Variants in LRRC4C observed in about 807,000 individuals in gnomAD.
The protein encoded by LRRC4C is leucine-rich repeat-containing protein 4C.
In LRRC4C, 5 loss-of-function variants were observed where a neutral mutation model predicts 33.6. The observed-to-expected ratio is 0.15, with a 90% CI of 0.08 to 0.31. The LOEUF is 0.31. LRRC4C is among the 10% of genes least tolerant of loss of function. LRRC4C has a pLI of 1.00. For synonymous variants in LRRC4C, 329 were observed against 302.0 expected (o/e 1.09, Z -0.93); for missense variants, 560 against 796.7 (o/e 0.70, Z 3.58).
intron 1 of LRRC4C, among the ~76,000 whole-genome samples, chr11:41,409,585 A>T (rs1954381774): frequency 6.6e-6 from 1 of 152,222 alleles, no homozygotes; most frequent in Admixed American, 6.5e-5. Flanking sequence ...AAGGTTAAAA[A>T]GTGGCAACAG....
intron 3 of LRRC4C, among the ~76,000 whole-genome samples, chr11:40,513,558 C>T (rs1351126148): frequency 2.0e-5 from 3 of 152,056 alleles, no homozygotes; most frequent in African/African-American, 7.2e-5. Flanking sequence ...TTGTCTTCCT[C>T]TTAGAGCAAT....
intron 1 of LRRC4C, among the ~76,000 whole-genome samples, chr11:41,207,223 T>C (rs1946636949): frequency 6.6e-6 from 1 of 152,246 alleles, no homozygotes; most frequent in Middle Eastern, 3.4e-3. Flanking sequence ...TTTAAAAAGT[T>C]GATATGCCCT....
At chr11:41,363,000 A>G (rs747375335) in intron 1 of LRRC4C, among the ~76,000 whole-genome samples, 1 of 152,212 alleles carries the variant, frequency 6.6e-6, no homozygotes, top group Non-Finnish European at 1.5e-5. Context: ...GTTAAGAGCC[A>G]GATATCTATG....
chr11:41,216,328 G>T (rs996182683), intron 1 of LRRC4C, among the ~76,000 whole-genome samples: 3 of 151,916 alleles, frequency 2.0e-5, no homozygotes, highest in Non-Finnish European at 2.9e-5. Context: ...CATTAACTTT[G>T]CATTTTAATG....
intron 3 of LRRC4C, among the ~76,000 whole-genome samples, chr11:40,533,052 C>G (rs1230482019): frequency 6.6e-6 from 1 of 152,094 alleles, no homozygotes; most frequent in Non-Finnish European, 1.5e-5. Context: ...TCCACCTGGT[C>G]TCTCCCTTGA....
At chr11:40,527,852 A>G (rs112240570) in intron 3 of LRRC4C, among the ~76,000 whole-genome samples, 13,329 of 151,914 alleles carry the variant, frequency 0.088, 1,665 homozygotes, top group African/African-American at 0.28. Flanking sequence ...GGGTTCAAGC[A>G]ATTCTCCTGC....
chr11:41,027,802 G>T (rs7937902), intron 1 of LRRC4C, among the ~76,000 whole-genome samples: 97,084 of 151,430 alleles, frequency 0.64, 31,631 homozygotes, highest in Non-Finnish European at 0.69. Flanking sequence ...ATTGGGCATT[G>T]TATTCTTTGT....
At chr11:41,278,823 T>TG (rs1555134168) in intron 1 of LRRC4C, among the ~76,000 whole-genome samples, 35,794 of 64,994 alleles carry the variant, frequency 0.55, 4,952 homozygotes, top group African/African-American at 0.56. Context: ...TTTTGTTTTG[T>TG]GTTTTTTTCC....
chr11:41,374,570 G>A (rs539418314), intron 1 of LRRC4C, among the ~76,000 whole-genome samples: 4 of 151,940 alleles, frequency 2.6e-5, no homozygotes, highest in South Asian at 2.1e-4. Context: ...CAAAAAAGAC[G>A]GACTATTTTA....
chr11:40,988,481 C>T (rs1853234037), intron 1 of LRRC4C, among the ~76,000 whole-genome samples: 1 of 152,122 alleles, frequency 6.6e-6, no homozygotes, highest in South Asian at 2.1e-4. Context: ...ATCCAGTCAT[C>T]AGCCAATAAA....
chr11:40,497,972 C>A (rs771894685), intron 3 of LRRC4C, among the ~76,000 whole-genome samples: 24 of 152,064 alleles, frequency 1.6e-4, no homozygotes, highest in Admixed American at 1.5e-3. Context: ...AGAAAGTGTA[C>A]CTTTAATGAA....
chr11:40,947,568 C>T (rs1958461763), intron 1 of LRRC4C, among the ~76,000 whole-genome samples: 1 of 151,894 alleles, frequency 6.6e-6, no homozygotes, highest in Non-Finnish European at 1.5e-5. Flanking sequence ...AGGGCACTAT[C>T]CCCTCTCTTC....
chr11:40,750,141 G>C (rs1437219014), intron 2 of LRRC4C, among the ~76,000 whole-genome samples: 1 of 152,096 alleles, frequency 6.6e-6, no homozygotes, highest in Non-Finnish European at 1.5e-5. Flanking sequence ...AGAATCACTT[G>C]AACCCAGGAG....
chr11:40,438,558 G>A (rs933455646), intron 3 of LRRC4C, among the ~76,000 whole-genome samples: 1 of 152,068 alleles, frequency 6.6e-6, no homozygotes, highest in Non-Finnish European at 1.5e-5. Flanking sequence ...GGCTAATAGT[G>A]GACCCTCAGT....
chr11:41,204,788 A>G (rs11036286), intron 1 of LRRC4C, among the ~76,000 whole-genome samples: 28,256 of 152,050 alleles, frequency 0.19, 3,183 homozygotes, highest in East Asian at 0.41. Flanking sequence ...ATGGAATATA[A>G]TGATGTAAAA....
At chr11:41,229,853 C>T (rs1489988802) in intron 1 of LRRC4C, among the ~76,000 whole-genome samples, 1 of 152,012 alleles carries the variant, frequency 6.6e-6, no homozygotes, top group Non-Finnish European at 1.5e-5. Context: ...ACTGATCTTA[C>T]CTTGAATTTC....
chr11:40,660,470 C>A (rs1250430674), intron 2 of LRRC4C, among the ~76,000 whole-genome samples: 1 of 152,218 alleles, frequency 6.6e-6, no homozygotes, highest in Non-Finnish European at 1.5e-5. Flanking sequence ...CTTATTAATG[C>A]ATGGTTATAA....
At chr11:40,939,010 T>C (rs1958025411) in intron 1 of LRRC4C, among the ~76,000 whole-genome samples, 2 of 152,190 alleles carry the variant, frequency 1.3e-5, no homozygotes, top group Middle Eastern at 3.4e-3. Context: ...TTATAAAATG[T>C]TATAGAAATG....
intron 1 of LRRC4C, among the ~76,000 whole-genome samples, chr11:41,322,188 G>T (rs939285666): frequency 1.3e-5 from 2 of 151,638 alleles, no homozygotes; most frequent in Non-Finnish European, 2.9e-5. Context: ...TTTCTGTGAG[G>T]CAAGATTATG....
Sources: gnomAD v4.1 joint callset for allele counts (sites outside exome capture counted in the v4.1 genomes callset) on GRCh38, gnomAD v4.1.1 for gene constraint, MANE v1.5 for transcripts, NCBI Gene and HGNC (gene_info 2026-07-23, HGNC 2026-07-21) for gene names.